Variants in EDIL3 observed in about 807,000 individuals in gnomAD.
EDIL3 encodes EGF-like repeat and discoidin I-like domain-containing protein 3.
A neutral mutation model predicts 67.4 loss-of-function variants in EDIL3; 37 were observed. The observed-to-expected ratio is 0.55, with a 90% CI of 0.42 to 0.72. The LOEUF is 0.72. Among genes scored for constraint, EDIL3 ranks in the 30% least tolerant of loss-of-function variants. The pLI, the probability that EDIL3 is intolerant of heterozygous loss-of-function variation, is 0.00. For synonymous variants in EDIL3, 195 were observed against 196.3 expected (o/e 0.99, Z 0.05); for missense variants, 527 against 586.3 (o/e 0.90, Z 1.04).
rs1352027571 is a variant in EDIL3, at chr5:84,176,281, T to C, written c.355+4112A>G. Among the ~76,000 whole-genome samples the C allele has an allele frequency of 7.7e-5, 11 of 142,322 alleles. No homozygotes were observed. In the Admixed American group the frequency reaches 7.8e-4, roughly 10 times the overall value. 93.4% of individuals were successfully genotyped at this position (142,322 alleles called of 152,430 possible). ...TATATTATATATATTGTATAAAATA[T>C]ATTATATATAAAATATATTTCCATA... On this transcript the variant is annotated intron_variant, in intron 4 of 10. Coordinates refer to ENST00000296591, the MANE Select transcript of EDIL3 (RefSeq NM_005711.5).
intron 6 of EDIL3, among the ~76,000 whole-genome samples, chr5:84,082,203 C>T (rs986768049): frequency 3.9e-5 from 6 of 152,214 alleles, no homozygotes; most frequent in African/African-American, 1.2e-4. Flanking sequence ...ATACTCTACA[C>T]CTTTCCATGT....
intron 9 of EDIL3, among the ~76,000 whole-genome samples, chr5:83,971,580 A>G (rs986916552): frequency 6.6e-6 from 1 of 151,990 alleles, no homozygotes; most frequent in Non-Finnish European, 1.5e-5. Flanking sequence ...TATCCGTAGA[A>G]TATTTCCCAC....
chr5:84,011,041 C>T (rs6899079), intron 9 of EDIL3, among the ~76,000 whole-genome samples: 54,312 of 152,054 alleles, frequency 0.36, 9,809 homozygotes, highest in East Asian at 0.46. Flanking sequence ...GTGTAAGGTA[C>T]CATCTATGCT....
chr5:84,378,695 A>C (rs1748018128), intron 1 of EDIL3, among the ~76,000 whole-genome samples: 1 of 152,156 alleles, frequency 6.6e-6, no homozygotes, highest in African/African-American at 2.4e-5. Flanking sequence ...ATGAAGCTTC[A>C]AGGCAAGTGG....
intron 9 of EDIL3, among the ~76,000 whole-genome samples, chr5:83,969,685 C>A (rs2112136302): frequency 6.6e-6 from 1 of 151,920 alleles, no homozygotes; most frequent in East Asian, 1.9e-4. Context: ...AAATTACACT[C>A]TTCCATCTGC....
intron 6 of EDIL3, among the ~76,000 whole-genome samples, chr5:84,080,132 A>G (rs1746936593): frequency 6.9e-6 from 1 of 144,448 alleles, no homozygotes; most frequent in Admixed American, 7.0e-5. Flanking sequence ...AAAAAAAAAA[A>G]AAAAAAAAAA....
chr5:84,100,303 A>G (rs1747339496), intron 6 of EDIL3, among the ~76,000 whole-genome samples: 1 of 152,182 alleles, frequency 6.6e-6, no homozygotes, highest in African/African-American at 2.4e-5. Context: ...ATTATTCACA[A>G]TAGCAAAGAT....
intron 1 of EDIL3, among the ~76,000 whole-genome samples, chr5:84,348,273 A>G (rs1432813643): frequency 6.6e-6 from 1 of 152,084 alleles, no homozygotes; most frequent in Admixed American, 6.6e-5. Flanking sequence ...ATAGGGAGGT[A>G]ATTTCCTCTC....
At chr5:84,309,706 G>A (rs1027184775) in intron 1 of EDIL3, among the ~76,000 whole-genome samples, 1 of 152,144 alleles carries the variant, frequency 6.6e-6, no homozygotes, top group African/African-American at 2.4e-5. Context: ...GTATTCCATG[G>A]TGTATATGTG....
At chr5:84,182,270 TACACACACACAC>T (rs71607704) in intron 3 of EDIL3, among the ~76,000 whole-genome samples, 12 of 142,016 alleles carry the variant, frequency 8.4e-5, no homozygotes, top group Admixed American at 1.4e-4. Context: ...CTACAAAAAA[TACACACACACAC>T]ACACACACAC....
At chr5:83,994,270 T>G (rs951076164) in intron 9 of EDIL3, among the ~76,000 whole-genome samples, 2 of 152,106 alleles carry the variant, frequency 1.3e-5, no homozygotes, top group Admixed American at 1.3e-4. Flanking sequence ...TCCTCTATCC[T>G]CAGTAGACTA....
intron 1 of EDIL3, among the ~76,000 whole-genome samples, chr5:84,371,412 T>C (rs1280009259): frequency 1.4e-5 from 2 of 139,142 alleles, no homozygotes; most frequent in African/African-American, 2.6e-5. Flanking sequence ...TATGTGTGTA[T>C]ATGTGTATAT....
intron 9 of EDIL3, among the ~76,000 whole-genome samples, chr5:84,045,813 T>A (rs917914939): frequency 6.6e-6 from 1 of 152,174 alleles, no homozygotes; most frequent in African/African-American, 2.4e-5. Flanking sequence ...AATGCAAAAT[T>A]TTCTATAAAT....
intron 2 of EDIL3, among the ~76,000 whole-genome samples, chr5:84,250,484 A>T (rs940498212): frequency 3.9e-5 from 6 of 152,236 alleles, no homozygotes; most frequent in Non-Finnish European, 1.5e-5. Context: ...TATTGATTGC[A>T]AATGTGTTAA....
chr5:83,984,201 G>A (rs1032109642), intron 9 of EDIL3, among the ~76,000 whole-genome samples: 7 of 152,034 alleles, frequency 4.6e-5, no homozygotes, highest in African/African-American at 1.7e-4. Context: ...TTGCAGAAAT[G>A]AGACAAGTCG....
chr5:83,952,338 C>T lies in EDIL3; in HGVS notation c.1294-8770G>A, dbSNP rs145324581. On this transcript the variant is annotated intron_variant, in intron 10 of 10. Transcript: ENST00000296591. ...TGATGAAAGTCTCCTTAAGTAATGA[C>T]AATATCTTAGGAAATATATCACATA... Among the ~76,000 whole-genome samples, 669 of 151,822 alleles carry T rather than the reference C, an allele frequency of 4.4e-3. 9 individuals are homozygous for T. Among genetic ancestry groups the T allele is most frequent in the African/African-American group, 0.015 (638 of 41,486 alleles).
chr5:84,323,005 G>C (rs1043713612), intron 1 of EDIL3, among the ~76,000 whole-genome samples: 1 of 151,912 alleles, frequency 6.6e-6, no homozygotes, highest in Non-Finnish European at 1.5e-5. Context: ...CACATATCCA[G>C]ATCAACAAAA....
chr5:84,119,515 C>T (rs1350405448), intron 5 of EDIL3, among the ~76,000 whole-genome samples: 1 of 152,006 alleles, frequency 6.6e-6, no homozygotes, highest in Non-Finnish European at 1.5e-5. Flanking sequence ...TGATTCCCCA[C>T]AGTTTATTGC....
chr5:84,339,248 A>C (rs77559321), intron 1 of EDIL3, among the ~76,000 whole-genome samples: 3 of 152,158 alleles, frequency 2.0e-5, no homozygotes, highest in African/African-American at 7.2e-5. Flanking sequence ...TAACAGGGAT[A>C]ATGTAATTAT....
Sources: gnomAD v4.1 joint callset for allele counts (sites outside exome capture counted in the v4.1 genomes callset) on GRCh38, gnomAD v4.1.1 for gene constraint, MANE v1.5 for transcripts, NCBI Gene and HGNC (gene_info 2026-07-23, HGNC 2026-07-21) for gene names.